Variants in TMEM74B observed in about 807,000 individuals in gnomAD.
The protein encoded by TMEM74B is transmembrane protein 74B, also known as transmembrane protein C20orf46.
In TMEM74B, 7 loss-of-function variants were observed where a neutral mutation model predicts 6.5. The ratio of observed to expected loss-of-function variants is 1.07; its 90% CI spans 0.61 to 2.01. The LOEUF (loss-of-function observed/expected upper bound fraction) is 2.01, where lower values mean the gene tolerates loss of function less well. TMEM74B is among the 30% of genes most tolerant of loss of function. The pLI is 0.00. For synonymous variants in TMEM74B, 151 were observed against 151.6 expected, an observed-to-expected ratio of 1.00 and a Z score of 0.03; for missense variants, 342 against 337.0, an observed-to-expected ratio of 1.01 and a Z score of -0.12.
upstream of TMEM74B, among the ~76,000 whole-genome samples, chr20:1,188,142 TATATATATATAATACACAC>T (rs1055263356): frequency 4.1e-5 from 6 of 146,898 alleles, no homozygotes; most frequent in African/African-American, 7.7e-5. Context: ...CAGAAAGTTA[TATATATATATAATACACAC>T]ACACACACAC....
At position 1,184,649 on chromosome 20, in the gene TMEM74B, CACACACAA is replaced by C. The variant is rs2086969420; in HGVS notation, c.-503_-496del. ...ACACACACACACACACACACACACA[CACACACAA>C]AGTGCCCCTGGGAGTGAGACCCAAG... On this transcript the variant is annotated 5_prime_UTR_variant, in exon 1 of 3. Transcript: ENST00000429036. The surrounding 1 kb of genome is among the most constrained non-coding windows in gnomAD (Gnocchi z 6.0). 1 of 145,594 alleles carries C rather than the reference CACACACAA, an allele frequency of 6.9e-6. No individual in the cohort carries two copies. The highest frequency in any genetic ancestry group is 2.3e-4 in the South Asian group (1 of 4,360). 9.0% of individuals were successfully genotyped at this position (145,594 alleles called of 1,614,324 possible).
At chr20:1,182,841 T>C (rs1479839025) in intron 2 of TMEM74B, among the ~76,000 whole-genome samples, 1 of 152,228 alleles carries the variant, frequency 6.6e-6, no homozygotes, top group Non-Finnish European at 1.5e-5. Context: ...GGCCTGTTCA[T>C]TTGTTTTTGG....
upstream of TMEM74B, among the ~76,000 whole-genome samples, chr20:1,185,695 G>A (rs989521167): frequency 2.6e-5 from 4 of 152,022 alleles, no homozygotes; most frequent in Non-Finnish European, 4.4e-5. Flanking sequence ...CGCGGTCCAC[G>A]GGCGCAGGGG....
At position 1,180,658 on chromosome 20, in the gene TMEM74B, TG is replaced by T; in HGVS notation, c.*189del. 1.6e-6 allele frequency: 1 copy of T among 640,632 alleles called. No homozygotes were observed. The allele number at this position is 640,632 out of a possible 1,614,324, so 39.7% of individuals were successfully genotyped here. ...AAACCTCAGCTACAAAACAGATCAGTGGGCTGCTTGCCCGTGTGGGGCATGG... is the reference window on the plus strand; with the variant it reads ...AAACCTCAGCTACAAAACAGATCAGTGGCTGCTTGCCCGTGTGGGGCATGG... On this transcript the variant is annotated 3_prime_UTR_variant, in exon 3 of 3. Transcript: ENST00000429036. This position sits in a 1 kb window ranked among gnomAD's most constrained non-coding sequence, Gnocchi z 6.1.
upstream of TMEM74B, among the ~76,000 whole-genome samples, chr20:1,187,755 G>C (rs771234808): frequency 2.0e-5 from 3 of 152,292 alleles, no homozygotes; most frequent in Non-Finnish European, 4.4e-5. Flanking sequence ...AGTTGCAGGA[G>C]ACCAGTATGG....
chr20:1,186,676 A>G (rs13042734), upstream of TMEM74B, among the ~76,000 whole-genome samples: 1,643 of 152,018 alleles, frequency 0.011, 12 homozygotes, highest in Non-Finnish European at 0.016. Context: ...CCCTCCTCCA[A>G]AGTTCTGTGC....
Position 1,181,352 on chromosome 20 carries a change from C to A in TMEM74B, c.267G>T (p.Gly89=). ...TRLGSSPSPP[G]GVSSLPRSQR... ...GGGATCGGGGCAGTGAGGAGACACC[C>A]CCAGGGGGACTGGGTGAGCTGCCCA... Residue 89 remains glycine (G), a synonymous_variant, in exon 3 of 3, where the codon GGG becomes GGT. Coordinates refer to ENST00000429036, the MANE Select transcript of TMEM74B (RefSeq NM_001304748.2). This position sits in a 1 kb window ranked among gnomAD's most constrained non-coding sequence, Gnocchi z 4.9. The A allele has an allele frequency of 6.4e-7, 1 of 1,566,598 alleles. No individual in the cohort carries two copies.
At position 1,180,788 on chromosome 20, in the gene TMEM74B, G is replaced by C; in HGVS notation, c.*60C>G. 2 of 1,515,624 alleles carry C rather than the reference G, an allele frequency of 1.3e-6. No homozygotes were observed. The highest frequency in any genetic ancestry group is 1.8e-6 in the Non-Finnish European group (2 of 1,132,430). The allele number at this position is 1,515,624 out of a possible 1,614,324, so 93.9% of individuals were successfully genotyped here. On this transcript the variant is annotated 3_prime_UTR_variant, in exon 3 of 3. Transcript: ENST00000429036. This position sits in a 1 kb window ranked among gnomAD's most constrained non-coding sequence, Gnocchi z 6.1. The stretch of plus-strand genomic sequence containing the variant: ...GCCTTGGCAGGGGTCAGGTGGGCGG[G>C]AGCAGGGGGTGGACCTTGTAGCACT...
intron 2 of TMEM74B, among the ~76,000 whole-genome samples, chr20:1,182,135 C>T (rs2086887200): frequency 6.7e-6 from 1 of 149,988 alleles, no homozygotes; most frequent in African/African-American, 2.5e-5. Flanking sequence ...CATGCAAGAC[C>T]CTGGCCAGTG....
Position 1,181,164 on chromosome 20 carries a change from T to C in TMEM74B, c.455A>G (p.Asp152Gly). 5 of 1,614,102 alleles carry C rather than the reference T, an allele frequency of 3.1e-6. No homozygotes were observed. The highest frequency in any genetic ancestry group is 3.4e-6 in the Non-Finnish European group (4 of 1,180,018). The change falls in exon 3 of 3, where the codon GAC (aspartate) becomes GGC (glycine). Residue 152 changes from aspartate (D) to glycine (G), a missense_variant. By Grantham distance (94) the Asp-to-Gly change is moderately conservative. Coordinates refer to ENST00000429036, the MANE Select transcript of TMEM74B (RefSeq NM_001304748.2). The surrounding 1 kb of genome is among the most constrained non-coding windows in gnomAD (Gnocchi z 4.9). ...TTCCATCTCCCGCGCTGTCACTGTG[T>C]CCGGATTGACTCGAGCCTCACGGGG... ...AIPREARVNP[D>G]TVTAREMERL...
upstream of TMEM74B, among the ~76,000 whole-genome samples, chr20:1,188,062 C>T (rs764869630): frequency 6.6e-6 from 1 of 151,770 alleles, no homozygotes; most frequent in Non-Finnish European, 1.5e-5. Flanking sequence ...ATCCATGTGG[C>T]AACAGATTAG....
intron 2 of TMEM74B, among the ~76,000 whole-genome samples, chr20:1,182,574 C>T (rs1461165323): frequency 6.6e-6 from 1 of 152,124 alleles, no homozygotes; most frequent in Non-Finnish European, 1.5e-5. Context: ...GACTGGAGAG[C>T]CATGACTAGG....
upstream of TMEM74B, among the ~76,000 whole-genome samples, chr20:1,188,765 A>G (rs1428057541): frequency 1.3e-5 from 2 of 152,216 alleles, no homozygotes; most frequent in African/African-American, 4.8e-5. Flanking sequence ...ATAAGGTAAT[A>G]TTGGACTGTA....
rs1354545964 is a variant in TMEM74B at position 1,183,840 on chromosome 20, A to G, written c.-39T>C. The G allele has an allele frequency of 6.2e-7, 1 of 1,612,204 alleles. No homozygotes were observed. The highest frequency in any genetic ancestry group is 1.7e-5 in the Admixed American group (1 of 59,780). ...TTCCCTGGCTCTGCATCCCTCACTCATAGACTCTTCATTTTATCCAGCTGT... is the reference window on the plus strand; with the variant it reads ...TTCCCTGGCTCTGCATCCCTCACTCGTAGACTCTTCATTTTATCCAGCTGT... On this transcript the variant is annotated 5_prime_UTR_variant, in exon 2 of 3. An upstream start codon of the reference 5' UTR is lost. Coordinates refer to ENST00000429036, the MANE Select transcript of TMEM74B (RefSeq NM_001304748.2).
At chr20:1,187,067 C>G (rs2087031946), upstream of TMEM74B, among the ~76,000 whole-genome samples, 1 of 152,190 alleles carries the variant, frequency 6.6e-6, no homozygotes, top group Non-Finnish European at 1.5e-5. Context: ...GCTGGCTGTT[C>G]CTTCTGCCTG....
intron 2 of TMEM74B, among the ~76,000 whole-genome samples, chr20:1,182,993 A>G (rs1381049570): frequency 1.3e-5 from 2 of 152,204 alleles, no homozygotes; most frequent in East Asian, 1.9e-4. Context: ...GGAGTTGGCA[A>G]TCGGGGCTCT....
upstream of TMEM74B, among the ~76,000 whole-genome samples, chr20:1,187,705 G>A (rs527872808): frequency 5.9e-5 from 9 of 152,286 alleles, no homozygotes; most frequent in South Asian, 1.9e-3. Context: ...TAGCATAGGC[G>A]AAGACCTTGG....
rs147671569 is a variant in TMEM74B, at chr20:1,181,276, C to A, written c.343G>T (p.Val115Leu). The change falls in exon 3 of 3, where the codon GTG (valine) becomes TTG (leucine). Residue 115 changes from valine (V) to leucine (L), a missense_variant. Coordinates refer to ENST00000429036, the MANE Select transcript of TMEM74B (RefSeq NM_001304748.2). This position sits in a 1 kb window ranked among gnomAD's most constrained non-coding sequence, Gnocchi z 4.9. ...AAGCCATAATCCACCGGGCGGCTCA[C>A]GGGCTCCAGGGCTGGCCCCTCCTCT... ...HSEEGPALEP[V>L]SRPVDYGFVS... is the part of the protein sequence containing the mutation. The A allele has an allele frequency of 6.2e-7, 1 of 1,613,622 alleles. No homozygotes were observed. Among genetic ancestry groups the A allele is most frequent in the African/African-American group, 1.3e-5 (1 of 75,040 alleles).
Position 1,181,205 on chromosome 20 carries a change from C to T in TMEM74B, c.414G>A (p.Val138=), listed in dbSNP as rs1021155269. Residue 138 remains valine, a synonymous_variant, in exon 3 of 3, where the codon GTG becomes GTA. Transcript: ENST00000429036. The surrounding 1 kb of genome is among the most constrained non-coding windows in gnomAD (Gnocchi z 4.9). Reference sequence around the variant, plus strand: ...CCTCACGGGGGATGGCGTATGCTGTCACCACCAGAAGAATCCCACTCACCA... The same window carrying T: ...CCTCACGGGGGATGGCGTATGCTGTTACCACCAGAAGAATCCCACTCACCA... ...VFLVSGILLV[V]TAYAIPREAR... 6.2e-7 allele frequency: 1 copy of T among 1,614,190 alleles called. No homozygotes were observed.
Sources: allele counts gnomAD v4.1 joint callset (sites outside exome capture counted in the v4.1 genomes callset), GRCh38; gene constraint gnomAD v4.1.1; non-coding constraint Gnocchi (gnomAD v3.1); transcripts MANE v1.5; gene names NCBI Gene and HGNC (gene_info 2026-07-23, HGNC 2026-07-21).